The following KIAA1217 variants were observed in gnomAD, a reference collection of about 807,000 sequenced individuals.
KIAA1217 encodes KIAA1217.
Under a neutral mutation model 163.9 loss-of-function variants are expected in KIAA1217, and 88 were observed. The observed-to-expected ratio is 0.54, with a 90% CI of 0.45 to 0.64. The LOEUF is 0.64. Among genes scored for constraint, KIAA1217 ranks in the 30% least tolerant of loss-of-function variants. The pLI is 0.00. For synonymous variants in KIAA1217, 903 were observed against 923.1 expected, an observed-to-expected ratio of 0.98 and a Z score of 0.39; for missense variants, 2,372 against 2,475.0, an observed-to-expected ratio of 0.96 and a Z score of 0.88.
intron 9 of KIAA1217, among the ~76,000 whole-genome samples, chr10:24,508,421 A>C (rs1306099751): frequency 6.6e-6 from 1 of 152,230 alleles, no homozygotes; most frequent in African/African-American, 2.4e-5. Flanking sequence ...ATTCCCCATA[A>C]AATCAGGAGC....
chr10:24,219,737 G>T lies in KIAA1217; in HGVS notation c.182G>T (p.Arg61Leu), dbSNP rs775695112. 5 of 1,613,786 alleles carry T rather than the reference G, an allele frequency of 3.1e-6. No individual in the cohort carries two copies. Among genetic ancestry groups the T allele is most frequent in the East Asian group, 2.2e-5 (1 of 44,854 alleles). Residue 61 changes from arginine (R) to leucine (L), a missense_variant, in exon 2 of 21, where the codon CGC (arginine) becomes CTC (leucine). This residue lies in a region of KIAA1217 where 1,431 missense variants were observed against 1,470.3 expected (regional missense o/e 0.97). Transcript: ENST00000376454. ...CGTGGTTCAGTTTCCAAGTCTTCCC[G>T]CAATATCCCAAGGAGACACACCCTA... ...NSRGSVSKSS[R>L]NIPRRHTLGG... is the part of the protein sequence containing the mutation.
chr10:24,065,393 G>C (rs1320429583), intron 2 of KIAA1217, among the ~76,000 whole-genome samples: 1 of 151,972 alleles, frequency 6.6e-6, no homozygotes, highest in East Asian at 1.9e-4. Context: ...CCTTCATTTC[G>C]TTATTTACCC....
chr10:23,988,732 G>C (rs969020184), intron 1 of KIAA1217, among the ~76,000 whole-genome samples: 4 of 152,156 alleles, frequency 2.6e-5, no homozygotes, highest in African/African-American at 9.7e-5. Context: ...TAATAATTAT[G>C]TATCTGTTTT....
chr10:23,957,971 C>T (rs1052732496), intron 1 of KIAA1217, among the ~76,000 whole-genome samples: 2 of 152,082 alleles, frequency 1.3e-5, no homozygotes, highest in Non-Finnish European at 2.9e-5. Flanking sequence ...ATTTCCTATT[C>T]GACAAATAAA....
intron 2 of KIAA1217, among the ~76,000 whole-genome samples, chr10:24,180,934 G>A (rs1425023641): frequency 6.6e-6 from 1 of 152,178 alleles, no homozygotes; most frequent in Non-Finnish European, 1.5e-5. Flanking sequence ...TTGTTGAAAA[G>A]GTAGGGTCCT....
intron 1 of KIAA1217, among the ~76,000 whole-genome samples, chr10:23,906,701 C>A (rs1842176903): frequency 6.6e-6 from 1 of 151,988 alleles, no homozygotes; most frequent in African/African-American, 2.4e-5. Context: ...TGTGTGAGAG[C>A]AGTTTGTAGG....
intron 2 of KIAA1217, among the ~76,000 whole-genome samples, chr10:24,061,953 T>G (rs2060739408): frequency 6.6e-6 from 1 of 152,150 alleles, no homozygotes. Context: ...TCAACCATTA[T>G]TCATTTGAAT....
Position 24,255,842 on chromosome 10 carries a change from T to C in KIAA1217, c.354+35933T>C, listed in dbSNP as rs186239285. On this transcript the variant is annotated intron_variant, in intron 2 of 20. Transcript: ENST00000376454. ...CTTGTTTAATGGTAATTAAATTGCT[T>C]TTCTTCACTTTGAAAAATCTCTTAA... Among the ~76,000 whole-genome samples, 15 of 152,260 alleles carry C rather than the reference T, an allele frequency of 9.9e-5. No homozygotes were observed. The East Asian group carries it at 2.9e-3, about 29-fold the overall frequency.
chr10:23,990,988 CTTGGAACCTACCCT>C (rs1846194263), intron 1 of KIAA1217, among the ~76,000 whole-genome samples: 2 of 152,146 alleles, frequency 1.3e-5, no homozygotes, highest in African/African-American at 4.8e-5. Flanking sequence ...GACAATAGAA[CTTGGAACCTACCCT>C]TTGAAAATAA....
intron 1 of KIAA1217, among the ~76,000 whole-genome samples, chr10:23,966,617 C>A (rs1378747429): frequency 6.6e-6 from 1 of 152,222 alleles, no homozygotes; most frequent in Non-Finnish European, 1.5e-5. Context: ...ACGATGCTCT[C>A]ATCCCCTCTG....
At chr10:23,880,954 G>A (rs1840921993) in intron 1 of KIAA1217, among the ~76,000 whole-genome samples, 1 of 151,904 alleles carries the variant, frequency 6.6e-6, no homozygotes, top group South Asian at 2.1e-4. Flanking sequence ...TTCTCAACAG[G>A]TGAATACAAT....
At chr10:23,779,836 C>T (rs752720154) in intron 1 of KIAA1217, among the ~76,000 whole-genome samples, 11 of 152,230 alleles carry the variant, frequency 7.2e-5, no homozygotes, top group South Asian at 2.1e-4. Context: ...GAGATTATAA[C>T]GCTGTATTTT....
intron 15 of KIAA1217, among the ~76,000 whole-genome samples, chr10:24,532,531 T>G (rs1287414613): frequency 6.6e-6 from 1 of 152,156 alleles, no homozygotes; most frequent in Non-Finnish European, 1.5e-5. Flanking sequence ...GGGAAGAGAT[T>G]TAATGGACTC....
At chr10:24,397,108 C>CTTTT (rs34660362) in intron 3 of KIAA1217, among the ~76,000 whole-genome samples, 51 of 114,698 alleles carry the variant, frequency 4.4e-4, no homozygotes, top group African/African-American at 1.3e-3. Flanking sequence ...GTAAGAAACT[C>CTTTT]TTTTTTTTTT....
chr10:23,928,366 G>A (rs898258717), intron 1 of KIAA1217, among the ~76,000 whole-genome samples: 2 of 152,194 alleles, frequency 1.3e-5, no homozygotes, highest in African/African-American at 4.8e-5. Context: ...AGAATTTGCG[G>A]TGAATTTTAG....
At chr10:23,704,511 T>C (rs1789036604) in intron 1 of KIAA1217, among the ~76,000 whole-genome samples, 1 of 152,054 alleles carries the variant, frequency 6.6e-6, no homozygotes, top group Non-Finnish European at 1.5e-5. Context: ...TCTGTTTCTA[T>C]GGATTTGCTG....
chr10:24,054,143 A>G (rs1188953742), intron 2 of KIAA1217, among the ~76,000 whole-genome samples: 4 of 152,214 alleles, frequency 2.6e-5, no homozygotes, highest in African/African-American at 9.6e-5. Flanking sequence ...TGTGACAAAA[A>G]TTAAGGCAAA....
chr10:23,808,396 T>C (rs1328610429), intron 1 of KIAA1217, among the ~76,000 whole-genome samples: 1 of 152,174 alleles, frequency 6.6e-6, no homozygotes, highest in Non-Finnish European at 1.5e-5. Context: ...TCAGGTTATT[T>C]AGGATGTTCA....
intron 2 of KIAA1217, among the ~76,000 whole-genome samples, chr10:24,230,086 G>T (rs945774429): frequency 6.6e-6 from 1 of 152,116 alleles, no homozygotes; most frequent in African/African-American, 2.4e-5. Context: ...CCAGTAACAT[G>T]CTCAGTATTT....
Sources: allele counts gnomAD v4.1 joint callset (sites outside exome capture counted in the v4.1 genomes callset), GRCh38; gene constraint gnomAD v4.1.1; regional missense constraint gnomAD v4.1.1; transcripts MANE v1.5; gene names NCBI Gene and HGNC (gene_info 2026-07-23, HGNC 2026-07-21).